Variants in ADGB observed in about 807,000 individuals in gnomAD.
The protein encoded by ADGB is calpain-7-like protein.
A neutral mutation model predicts 210.5 loss-of-function variants in ADGB; 172 were observed. The ratio of observed to expected loss-of-function variants is 0.82; its 90% confidence interval spans 0.72 to 0.93. The LOEUF (loss-of-function observed/expected upper bound fraction) is 0.93, where lower values mean the gene tolerates loss of function less well. Among genes scored for constraint, ADGB ranks in the 40% least tolerant of loss-of-function variants. The probability of loss-of-function intolerance (pLI) is 0.00; values close to 1 mark genes in which losing one functional copy is unlikely to be tolerated. For missense variants in ADGB, 2,025 were observed against 1,964.8 expected (o/e 1.03, Z -0.58); for synonymous variants, 658 against 662.7 (o/e 0.99, Z 0.11).
In ADGB at chr6:146,775,696, T is replaced by C. The variant is rs139429577; in HGVS notation, c.3863-6324T>C. On this transcript the variant is annotated intron_variant, in intron 29 of 35. Transcript: ENST00000397944. ...TCATTGAATTTTATTAGCAGTATTA[T>C]AACACTATTCCTTTAACTCTAATTA... Among the ~76,000 whole-genome samples the C allele has an allele frequency of 9.2e-5, 14 of 152,280 alleles. No individual in the cohort carries two copies. The East Asian group carries it at 2.7e-3, about 29-fold the overall frequency.
intron 9 of ADGB, among the ~76,000 whole-genome samples, chr6:146,684,947 A>AAT (rs1776202698): frequency 1.3e-5 from 2 of 152,116 alleles, no homozygotes; most frequent in Non-Finnish European, 2.9e-5. Context: ...TCTCCATTCT[A>AAT]GACATATACT....
rs532708439 is a variant in ADGB at position 146,727,772 on chromosome 6, C to T, written c.2353-802C>T. Among the ~76,000 whole-genome samples the T allele has an allele frequency of 3.9e-5, 6 of 152,262 alleles. No homozygotes were observed. The South Asian group carries it at 1.2e-3, about 32-fold the overall frequency. On this transcript the variant is annotated intron_variant, in intron 19 of 35. Coordinates refer to ENST00000397944, the MANE Select transcript of ADGB (RefSeq NM_024694.4). ...CATGGTTTCACCTTAGGGAGAAACA[C>T]CACTGAGATGAAACTTTCTGTAGGC...
chr6:146,598,974 A>G lies in ADGB; in HGVS notation c.-67A>G. The G allele has an allele frequency of 7.1e-7, 1 of 1,411,844 alleles. No individual in the cohort carries two copies. The allele number at this position is 1,411,844 out of a possible 1,614,324, so 87.5% of individuals were successfully genotyped here. On this transcript the variant is annotated 5_prime_UTR_variant, in exon 1 of 36. Transcript: ENST00000397944. The stretch of plus-strand genomic sequence containing the variant: ...GGGACGCCGTCTCCTGGCAACGCAG[A>G]CGCGGAGCCGAGCGCGCCCGCAGGC...
chr6:146,700,424 CA>C (rs1776473883), intron 12 of ADGB, among the ~76,000 whole-genome samples: 1 of 152,088 alleles, frequency 6.6e-6, no homozygotes, highest in Non-Finnish European at 1.5e-5. Context: ...TTAAAAAATA[CA>C]TATACTACAA....
rs566693247 is a variant in ADGB at position 146,795,104 on chromosome 6, G to A, written c.4538-6079G>A. Among the ~76,000 whole-genome samples the A allele has an allele frequency of 1.8e-3, 280 of 152,242 alleles. 1 individual carries two copies. Among genetic ancestry groups the A allele is most frequent in the African/African-American group, 6.1e-3 (252 of 41,556 alleles). On this transcript the variant is annotated intron_variant, in intron 33 of 35. Transcript: ENST00000397944. The stretch of plus-strand genomic sequence containing the variant: ...AAAATCATTACAAACATCATTAGCT[G>A]AAAATTGCAGGGGAAATAAGACTCT...
chr6:146,635,810 C>A (rs1182036937), intron 2 of ADGB, among the ~76,000 whole-genome samples: 1 of 151,900 alleles, frequency 6.6e-6, no homozygotes, highest in Non-Finnish European at 1.5e-5. Flanking sequence ...AGAGATAGGG[C>A]AGGTTAGCCA....
At chr6:146,762,831 G>C (rs749108274) in intron 27 of ADGB, among the ~76,000 whole-genome samples, 3 of 152,100 alleles carry the variant, frequency 2.0e-5, no homozygotes, top group Admixed American at 6.6e-5. Flanking sequence ...TGACAAGTCA[G>C]AATTTCAATG....
At chr6:146,602,794 C>G (rs559035381) in intron 1 of ADGB, among the ~76,000 whole-genome samples, 1 of 152,126 alleles carries the variant, frequency 6.6e-6, no homozygotes, top group African/African-American at 2.4e-5. Context: ...TTAGCAGAGG[C>G]GTTAAATTCT....
chr6:146,789,940 A>C (rs1311020619), intron 33 of ADGB, among the ~76,000 whole-genome samples: 5 of 152,320 alleles, frequency 3.3e-5, no homozygotes, highest in South Asian at 2.1e-4. Context: ...CCTCATCCTT[A>C]GTTAATTTAA....
chr6:146,660,363 C>T (rs1775838160), intron 5 of ADGB, among the ~76,000 whole-genome samples: 1 of 152,148 alleles, frequency 6.6e-6, no homozygotes, highest in African/African-American at 2.4e-5. Flanking sequence ...AATTCAACTA[C>T]TGTTAAAATG....
chr6:146,608,251 A>G (rs1293814923), intron 1 of ADGB, among the ~76,000 whole-genome samples: 2 of 151,544 alleles, frequency 1.3e-5, no homozygotes, highest in Non-Finnish European at 2.9e-5. Context: ...AGCCAGCGGT[A>G]GTGTGTTTTA....
intron 11 of ADGB, among the ~76,000 whole-genome samples, chr6:146,691,498 A>ATTTTTTTTTT (rs1319836837): frequency 5.9e-5 from 1 of 17,066 alleles, no homozygotes; most frequent in African/African-American, 4.6e-4. Context: ...ATATATATAT[A>ATTTTTTTTTT]TATTTTTTTT....
chr6:146,647,115 A>AAAAC (rs369613079), intron 3 of ADGB, among the ~76,000 whole-genome samples: 37 of 148,012 alleles, frequency 2.5e-4, no homozygotes, highest in African/African-American at 9.0e-4. Flanking sequence ...CAAAAAACAA[A>AAAAC]AAACAAACAA....
chr6:146,728,812 T>C, intron 20 of ADGB, 71 bp downstream of exon 20: 1 of 1,260,734 alleles, frequency 7.9e-7, no homozygotes, highest in East Asian at 2.6e-5. Context: ...TTCCATTAGG[T>C]GACCTCCCAA....
At chr6:146,721,879 G>A (rs937958503) in intron 17 of ADGB, among the ~76,000 whole-genome samples, 13 of 151,974 alleles carry the variant, frequency 8.6e-5, no homozygotes, top group African/African-American at 2.9e-4. Context: ...TTAGAAGACC[G>A]TGGATGGAGG....
At chr6:146,608,083 A>G (rs1378098918) in intron 1 of ADGB, among the ~76,000 whole-genome samples, 1 of 152,104 alleles carries the variant, frequency 6.6e-6, no homozygotes, top group Non-Finnish European at 1.5e-5. Flanking sequence ...GGAACATGTC[A>G]TCGGTCTTTT....
chr6:146,703,547 T>C (rs1349926237), intron 13 of ADGB, among the ~76,000 whole-genome samples: 3 of 151,922 alleles, frequency 2.0e-5, no homozygotes, highest in Non-Finnish European at 4.4e-5. Flanking sequence ...ACTACCATTC[T>C]ACTTAGTATC....
intron 35 of ADGB, among the ~76,000 whole-genome samples, chr6:146,806,670 C>G (rs1778216887): frequency 6.6e-6 from 1 of 152,222 alleles, no homozygotes; most frequent in Admixed American, 6.5e-5. Context: ...GCTAGCATCT[C>G]TGCTTTAATC....
At chr6:146,634,812 C>T (rs180927871) in intron 1 of ADGB, among the ~76,000 whole-genome samples, 5 of 151,822 alleles carry the variant, frequency 3.3e-5, no homozygotes, top group Admixed American at 2.0e-4. Flanking sequence ...TTTTAAAAAT[C>T]GACCACCCCC....
Sources: allele counts gnomAD v4.1 joint callset (sites outside exome capture counted in the v4.1 genomes callset), GRCh38; gene constraint gnomAD v4.1.1; transcripts MANE v1.5; gene names NCBI Gene and HGNC (gene_info 2026-07-23, HGNC 2026-07-21).